EML1: variants seen among roughly 807,000 people sequenced by gnomAD.
EML1 encodes EMAP like 1, also known as echinoderm microtubule-associated protein-like 1.
A neutral mutation model predicts 110.4 loss-of-function variants in EML1; 27 were observed. The ratio of observed to expected loss-of-function variants is 0.24; its 90% CI spans 0.18 to 0.34. The LOEUF (loss-of-function observed/expected upper bound fraction) is 0.34. Among genes scored for constraint, EML1 ranks in the 10% least tolerant of loss-of-function variants. EML1 has a pLI of 1.00. For synonymous variants in EML1, 344 were observed against 385.8 expected (o/e 0.89, Z 1.27); for missense variants, 741 against 1,030.9 (o/e 0.72, Z 3.85).
At chr14:99,763,715 C>T (rs113897382) in intron 1 of EML1, among the ~76,000 whole-genome samples, 1,854 of 152,256 alleles carry the variant, frequency 0.012, 37 homozygotes, top group African/African-American at 0.043. Flanking sequence ...CACGATGTTT[C>T]GATTGATTTC....
At chr14:99,847,240 G>A (rs997562635) in intron 1 of EML1, among the ~76,000 whole-genome samples, 2 of 152,120 alleles carry the variant, frequency 1.3e-5, no homozygotes, top group African/African-American at 4.8e-5. Flanking sequence ...AATATGATGT[G>A]TCCTGAAAAT....
chr14:99,894,316 C>T (rs1480045455), intron 5 of EML1: 1 of 174,180 alleles, frequency 5.7e-6, no homozygotes, highest in Non-Finnish European at 1.2e-5. Context: ...ATTTTTTCCC[C>T]TCCTGATGAT....
intron 1 of EML1, among the ~76,000 whole-genome samples, chr14:99,798,080 C>T (rs1566869606): frequency 6.6e-6 from 1 of 152,198 alleles, no homozygotes; most frequent in Non-Finnish European, 1.5e-5. Flanking sequence ...TTCAGACTGT[C>T]AGTTCCTACA....
intron 1 of EML1, among the ~76,000 whole-genome samples, chr14:99,803,569 T>TTGC (rs2057919897): frequency 6.6e-6 from 1 of 152,188 alleles, no homozygotes; most frequent in African/African-American, 2.4e-5. Flanking sequence ...GCCACCACAG[T>TTGC]TGCTGCTGAA....
chr14:99,938,095 C>G (rs569069497), intron 20 of EML1, among the ~76,000 whole-genome samples, 183 bp downstream of exon 20: 1 of 152,184 alleles, frequency 6.6e-6, no homozygotes, highest in Non-Finnish European at 1.5e-5. Context: ...TGGCCGTGGC[C>G]CACTGAGAAG....
rs2060472748 is a variant in EML1, at chr14:99,936,424, G to A, written c.2095+90G>A. 8.4e-7 allele frequency: 1 copy of A among 1,188,266 alleles called. No homozygotes were observed. The highest frequency in any genetic ancestry group is 1.2e-6 in the Non-Finnish European group (1 of 815,324). 73.6% of individuals were successfully genotyped at this position (1,188,266 alleles called of 1,614,324 possible). On this transcript the variant is annotated intron_variant, in intron 19 of 21. Transcript: ENST00000262233. The surrounding 1 kb of genome is among the most constrained non-coding windows in gnomAD (Gnocchi z 5.5). ...GGGCCTCTGTGAGAACCCACCTCCT[G>A]TATGACTTAGGCACGTGCCATCATC...
At chr14:99,916,007 A>C (rs2140068117) in intron 15 of EML1, among the ~76,000 whole-genome samples, 1 of 152,358 alleles carries the variant, frequency 6.6e-6, no homozygotes, top group East Asian at 1.9e-4. Flanking sequence ...CTCAGAGAGC[A>C]GGTGTGGCCC....
chr14:99,841,010 A>G (rs1016793613), intron 1 of EML1, among the ~76,000 whole-genome samples: 1 of 152,196 alleles, frequency 6.6e-6, no homozygotes, highest in African/African-American at 2.4e-5. Flanking sequence ...GCCCAGACCC[A>G]TGGCATCCCT....
Position 99,914,604 on chromosome 14 carries a change from C to T in EML1, c.1659C>T (p.Ala553=). ...AGCTCTGGGGACTGGCCATCCATGCCTCAAAATCTCAGTTCTTGACCTGTG... is the reference window on the plus strand; with the variant it reads ...AGCTCTGGGGACTGGCCATCCATGCTTCAAAATCTCAGTTCTTGACCTGTG... ...TDELWGLAIH[A]SKSQFLTCGH... The change falls in exon 15 of 22, where the codon GCC becomes GCT. Residue 553 remains alanine (A), a synonymous_variant. Transcript: ENST00000262233. The T allele has an allele frequency of 1.2e-6, 2 of 1,610,412 alleles. No individual in the cohort carries two copies. Among genetic ancestry groups the T allele is most frequent in the Non-Finnish European group, 1.7e-6 (2 of 1,179,328 alleles).
intron 1 of EML1, among the ~76,000 whole-genome samples, chr14:99,799,845 A>G (rs1271603115): frequency 6.6e-6 from 1 of 152,234 alleles, no homozygotes; most frequent in Non-Finnish European, 1.5e-5. Context: ...CAGCTTGTTC[A>G]TGCTATAAAA....
At chr14:99,873,298 C>A (rs767380644) in intron 3 of EML1, among the ~76,000 whole-genome samples, 7 of 152,194 alleles carry the variant, frequency 4.6e-5, no homozygotes, top group Non-Finnish European at 8.8e-5. Flanking sequence ...TGGTAAATAT[C>A]TCTTGCTTCC....
At chr14:99,743,279 G>A (rs1422809034) in intron 1 of EML1, among the ~76,000 whole-genome samples, 6 of 152,130 alleles carry the variant, frequency 3.9e-5, no homozygotes, top group Non-Finnish European at 5.9e-5. Flanking sequence ...TTGTCCCATC[G>A]TCCAGGCTCA....
intron 1 of EML1, among the ~76,000 whole-genome samples, chr14:99,763,604 G>A (rs868158728): frequency 1.3e-5 from 2 of 152,146 alleles, no homozygotes; most frequent in South Asian, 2.1e-4. Flanking sequence ...GAATCACTGC[G>A]GAAGCATGAG....
intron 3 of EML1, among the ~76,000 whole-genome samples, chr14:99,866,249 C>T (rs1235364531): frequency 6.6e-6 from 1 of 152,168 alleles, no homozygotes; most frequent in East Asian, 1.9e-4. Context: ...GTGAGACCAG[C>T]CCACCTTAAC....
intron 1 of EML1, among the ~76,000 whole-genome samples, chr14:99,783,451 C>T (rs1442105572): frequency 6.6e-6 from 1 of 150,824 alleles, no homozygotes; most frequent in African/African-American, 2.4e-5. Context: ...AATTTATCAT[C>T]CAAACTAGAA....
In EML1 at chr14:99,907,822, A is replaced by T. The variant is rs139174558; in HGVS notation, c.1104+89A>T. On this transcript the variant is annotated intron_variant, in intron 10 of 21. Transcript: ENST00000262233. ...GTGGTAGCCCCCTTTCAGCGGGCTC[A>T]TTCCCACCCCAGCCCTTGTGTATGA... The T allele has an allele frequency of 6.1e-5, 74 of 1,218,054 alleles. No individual in the cohort carries two copies. In the East Asian group the frequency reaches 1.7e-3, roughly 28 times the overall value. 75.5% of individuals were successfully genotyped at this position (1,218,054 alleles called of 1,614,324 possible). A position where few individuals can be genotyped will look rare whatever the true frequency, so the allele number is the denominator to read the frequency against.
intron 9 of EML1, among the ~76,000 whole-genome samples, 200 bp downstream of exon 9, chr14:99,901,239 A>C (rs1327359556): frequency 6.6e-6 from 1 of 152,162 alleles, no homozygotes; most frequent in African/African-American, 2.4e-5. Context: ...ACTTCCTTCC[A>C]ATCAGACATC....
chr14:99,868,933 C>T (rs1217505233), intron 3 of EML1, among the ~76,000 whole-genome samples: 2 of 152,092 alleles, frequency 1.3e-5, no homozygotes, highest in African/African-American at 4.8e-5. Context: ...TTTATGAAAA[C>T]TTTGATCACT....
At chr14:99,893,201 C>A (rs2059617274) in intron 5 of EML1, among the ~76,000 whole-genome samples, 1 of 152,166 alleles carries the variant, frequency 6.6e-6, no homozygotes, top group Non-Finnish European at 1.5e-5. Flanking sequence ...GGCATTTAGA[C>A]CTGCTGGATC....
Sources: gnomAD v4.1 joint callset for allele counts (sites outside exome capture counted in the v4.1 genomes callset) on GRCh38, gnomAD v4.1.1 for gene constraint, Gnocchi (gnomAD v3.1) non-coding constraint, MANE v1.5 for transcripts, NCBI Gene and HGNC (gene_info 2026-07-23, HGNC 2026-07-21) for gene names.